The following LRRC37A2 variants were observed in gnomAD, a reference collection of about 807,000 sequenced individuals.
LRRC37A2 encodes the protein leucine-rich repeat-containing protein 37A2.
Under a neutral mutation model 68.8 loss-of-function variants are expected in LRRC37A2, and 9 were observed. The observed-to-expected ratio is 0.13, with a 90% CI of 0.08 to 0.23. The LOEUF (loss-of-function observed/expected upper bound fraction) is 0.23. Ranked by LOEUF, LRRC37A2 falls within the 10% of genes least tolerant of loss-of-function variation. The pLI is 1.00. For synonymous variants in LRRC37A2, 63 were observed against 367.6 expected (o/e 0.17, Z 9.48); for missense variants, 168 against 950.4 (o/e 0.18, Z 10.82).
At chr17:46,718,429 C>T in the LRRC37A2 span, among the ~76,000 whole-genome samples, 1 of 152,142 alleles carries the variant, frequency 6.6e-6, no homozygotes, top group Admixed American at 6.5e-5. Flanking sequence ...TAATGAGTTT[C>T]ACAACTACCC....
chr17:46,979,048 G>A, the LRRC37A2 span: 2 of 1,349,452 alleles, frequency 1.5e-6, no homozygotes, highest in East Asian at 6.3e-5. Flanking sequence ...AGTCCCGGGT[G>A]CACTGGGCTG....
chr17:46,931,336 A>G, the LRRC37A2 span: 6 of 696,824 alleles, frequency 8.6e-6, 1 homozygote, highest in Middle Eastern at 1.4e-3. Context: ...ATGCAAAGAA[A>G]AAGCCCCCTC....
chr17:46,695,271 T>C, the LRRC37A2 span, among the ~76,000 whole-genome samples: 1 of 144,634 alleles, frequency 6.9e-6, no homozygotes. Context: ...AGTTGTAATA[T>C]GTCAGAGGAA....
the LRRC37A2 span, among the ~76,000 whole-genome samples, chr17:46,911,108 C>A: frequency 6.6e-6 from 1 of 152,156 alleles, no homozygotes; most frequent in African/African-American, 2.4e-5. Context: ...AATGGAAAGC[C>A]CTTTCATGCC....
the LRRC37A2 span, among the ~76,000 whole-genome samples, chr17:46,771,872 T>G: frequency 7.1e-6 from 1 of 140,222 alleles, no homozygotes; most frequent in East Asian, 2.2e-4. Context: ...CCCAGGCCCC[T>G]CCGGCGCCCG....
chr17:46,818,959 G>C, the LRRC37A2 span, among the ~76,000 whole-genome samples: 4 of 152,152 alleles, frequency 2.6e-5, no homozygotes, highest in Non-Finnish European at 4.4e-5. Flanking sequence ...GCGGTGGGCC[G>C]GACCCTCTGC....
chr17:46,734,330 G>T, the LRRC37A2 span, among the ~76,000 whole-genome samples: 12 of 151,992 alleles, frequency 7.9e-5, no homozygotes, highest in African/African-American at 2.9e-4. Context: ...TAGTCATTTT[G>T]CCAGACACAT....
At chr17:46,884,069 C>T in the LRRC37A2 span, among the ~76,000 whole-genome samples, 2 of 152,094 alleles carry the variant, frequency 1.3e-5, no homozygotes, top group Non-Finnish European at 2.9e-5. Flanking sequence ...GAGAACCTGA[C>T]CCAGCGTCCG....
the LRRC37A2 span, among the ~76,000 whole-genome samples, chr17:46,825,393 G>A: frequency 2.0e-5 from 3 of 152,220 alleles, no homozygotes; most frequent in South Asian, 2.1e-4. Context: ...CCCACCTTCC[G>A]CCTGGGCTCT....
At chr17:46,766,603 C>T in the LRRC37A2 span, among the ~76,000 whole-genome samples, 1 of 152,074 alleles carries the variant, frequency 6.6e-6, no homozygotes. Flanking sequence ...TGGACTGTCC[C>T]CACCAGGACA....
At chr17:46,722,152 C>T in the LRRC37A2 span, 7 of 1,611,754 alleles carry the variant, frequency 4.3e-6, no homozygotes, top group Middle Eastern at 2.3e-4. Flanking sequence ...ACGATCTTGG[C>T]GCTCGAACTG....
At chr17:46,996,448 G>A in the LRRC37A2 span, among the ~76,000 whole-genome samples, 2 of 152,204 alleles carry the variant, frequency 1.3e-5, no homozygotes, top group Non-Finnish European at 2.9e-5. Flanking sequence ...CCTGGGTTAT[G>A]TGTCCAAGTC....
chr17:46,787,949 C>T, the LRRC37A2 span, among the ~76,000 whole-genome samples: 3 of 146,108 alleles, frequency 2.1e-5, no homozygotes, highest in Non-Finnish European at 4.5e-5. Context: ...GAGTGAGACT[C>T]TGCCTCAGAA....
At chr17:46,541,414 G>C (rs1026696447) in intron 8 of LRRC37A2, among the ~76,000 whole-genome samples, 4 of 147,986 alleles carry the variant, frequency 2.7e-5, no homozygotes, top group Admixed American at 2.7e-4. Flanking sequence ...ACCACACCTG[G>C]CTAATTTTTG....
chr17:46,758,228 T>C, the LRRC37A2 span, among the ~76,000 whole-genome samples: 5 of 152,230 alleles, frequency 3.3e-5, no homozygotes, highest in Non-Finnish European at 7.3e-5. Flanking sequence ...CCTTGATCCT[T>C]AGCATTGGCT....
chr17:46,815,608 T>C, the LRRC37A2 span, among the ~76,000 whole-genome samples: 1 of 151,838 alleles, frequency 6.6e-6, no homozygotes, highest in African/African-American at 2.4e-5. Context: ...CCATCTACCC[T>C]ACAGCCCCAG....
At chr17:46,933,274 C>T in the LRRC37A2 span, 23 of 152,234 alleles carry the variant, frequency 1.5e-4, no homozygotes, top group African/African-American at 5.5e-4. Context: ...GAAACTTCTT[C>T]CTGGTCATTC....
chr17:46,939,190 GAA>G, the LRRC37A2 span: 4 of 1,084,828 alleles, frequency 3.7e-6, no homozygotes, highest in Non-Finnish European at 4.5e-6. Flanking sequence ...GAAAGGAAAG[GAA>G]AGAGGCCTTT....
At chr17:46,695,871 TATC>T in the LRRC37A2 span, among the ~76,000 whole-genome samples, 1 of 114,028 alleles carries the variant, frequency 8.8e-6, no homozygotes. Context: ...TCCTGTATCA[TATC>T]ATTCAACCAT....
Sources: gnomAD v4.1 joint callset for allele counts (sites outside exome capture counted in the v4.1 genomes callset) on GRCh38, gnomAD v4.1.1 for gene constraint, MANE v1.5 for transcripts, NCBI Gene and HGNC (gene_info 2026-07-23, HGNC 2026-07-21) for gene names.